The following ARFGEF2 variants were observed in gnomAD, a reference collection of about 807,000 sequenced individuals.
The protein encoded by ARFGEF2 is ARF guanine nucleotide exchange factor 2.
In ARFGEF2, 74 loss-of-function variants were observed where a neutral mutation model predicts 219.9. That is an observed-to-expected ratio of 0.34 (90% CI 0.28 to 0.41). The LOEUF is 0.41. Ranked by LOEUF, ARFGEF2 falls within the 10% of genes least tolerant of loss-of-function variation. The probability of loss-of-function intolerance (pLI) is 1.00; values close to 1 mark genes in which losing one functional copy is unlikely to be tolerated. For missense variants in ARFGEF2, 1,743 were observed against 2,218.3 expected (o/e 0.79, Z 4.30); for synonymous variants, 733 against 799.2 (o/e 0.92, Z 1.40).
intron 25 of ARFGEF2, 32 bp downstream of exon 25, chr20:48,998,537 TAA>T (rs60107724): frequency 0.013 from 17,720 of 1,401,708 alleles, 2 homozygotes; most frequent in Admixed American, 0.028. Flanking sequence ...CCATTCCTGT[TAA>T]AAAAAAAAAA....
rs759701587 is a variant in ARFGEF2, at chr20:48,941,199, A to T, written c.122A>T (p.Asp41Val). Residue 41 changes from aspartate to valine, a missense_variant and splice_region_variant, in exon 2 of 39, where the codon GAT becomes GTT. This residue lies in a region of ARFGEF2 where 394 missense variants were observed against 426.6 expected (regional missense o/e 0.92). Transcript: ENST00000371917. Reference sequence around the variant, plus strand: ...GTGTTTTTTCTTCCTTCCTTACCAGATGAAATTAAAGCAGAAATAGAAAAG... The same window carrying T: ...GTGTTTTTTCTTCCTTCCTTACCAGTTGAAATTAAAGCAGAAATAGAAAAG... The part of the protein sequence containing the change: ...QLRRACQVAL[D>V]EIKAEIEKQR... The T allele has an allele frequency of 5.0e-6, 8 of 1,613,206 alleles. No individual in the cohort carries two copies. In the South Asian group the frequency reaches 7.7e-5, roughly 16 times the overall value.
chr20:48,960,850 G>A (rs2091144595), intron 6 of ARFGEF2, among the ~76,000 whole-genome samples: 1 of 150,834 alleles, frequency 6.6e-6, no homozygotes, highest in South Asian at 2.1e-4. Flanking sequence ...GGGAGGCCGA[G>A]GCAGGCAGAT....
At chr20:48,950,810 AAATAT>A (rs1382009793) in intron 3 of ARFGEF2, among the ~76,000 whole-genome samples, 82 of 41,096 alleles carry the variant, frequency 2.0e-3, no homozygotes, top group African/African-American at 0.011. Flanking sequence ...AAAAAAAAAA[AAATAT>A]ATATATATAT....
chr20:48,961,702 A>G (rs966478524), intron 6 of ARFGEF2, among the ~76,000 whole-genome samples: 8 of 151,992 alleles, frequency 5.3e-5, no homozygotes, highest in Admixed American at 5.2e-4. Flanking sequence ...TGTCTCTACT[A>G]AAAATACAAA....
Position 48,990,625 on chromosome 20 carries a change from C to T in ARFGEF2, c.2815-415C>T, listed in dbSNP as rs375924750. Among the ~76,000 whole-genome samples, 24 of 152,320 alleles carry T rather than the reference C, an allele frequency of 1.6e-4. No individual in the cohort carries two copies. In the East Asian group the frequency reaches 3.7e-3, roughly 23 times the overall value. On this transcript the variant is annotated intron_variant, in intron 20 of 38. Transcript: ENST00000371917. ...AGGTTTCAAGACCCCACTCTGCCAC[C>T]TCTCCAACCATGTGACATTGGCTCA...
At chr20:49,009,779 A>C (rs912322798) in intron 26 of ARFGEF2, among the ~76,000 whole-genome samples, 1 of 152,242 alleles carries the variant, frequency 6.6e-6, no homozygotes, top group Non-Finnish European at 1.5e-5. Flanking sequence ...GAAGATACAC[A>C]CAAGAATTTA....
rs2091431834 is a variant in ARFGEF2, at chr20:49,002,618, T to TATTTA, written c.3433-2451_3433-2447dup. Among the ~76,000 whole-genome samples, 3 of 152,314 alleles carry TATTTA rather than the reference T, an allele frequency of 2.0e-5. 1 individual carries two copies. In the South Asian group the frequency reaches 6.2e-4, roughly 32 times the overall value. On this transcript the variant is annotated intron_variant, in intron 25 of 38. Transcript: ENST00000371917. ...TTCAAGGCTGACTTTATTATTTATTTATTTATTTTTGAGATAGCATTTTGC... is the reference window on the plus strand; with the variant it reads ...TTCAAGGCTGACTTTATTATTTATTTATTTAATTTATTTTTGAGATAGCATTTTGC...
In ARFGEF2 at chr20:48,953,601, C is replaced by T. The variant is rs2091085914; in HGVS notation, c.649C>T (p.Gln217Ter). 6.2e-7 allele frequency: 1 copy of T among 1,614,182 alleles called. No individual in the cohort carries two copies. Among genetic ancestry groups the T allele is most frequent in the Non-Finnish European group, 8.5e-7 (1 of 1,180,030 alleles). Residue 217 changes from glutamine (Q) to a stop codon, truncating the protein, a stop_gained, in exon 6 of 39, where the codon CAG becomes TAG. Coordinates refer to ENST00000371917, the MANE Select transcript of ARFGEF2 (RefSeq NM_006420.3). LOFTEE classifies it high-confidence loss of function. ...ELEKPIQSKPQSPVIQAAAVS... is the reference protein window; with the variant it reads ...ELEKPIQSKP The stretch of plus-strand genomic sequence containing the variant: ...GGAAAAACCAATCCAGTCAAAACCC[C>T]AGTCCCCTGTGATCCAAGCTGCAGC...
chr20:48,994,620 C>G (rs768381302), intron 22 of ARFGEF2, 22 bp downstream of exon 22: 1 of 1,612,628 alleles, frequency 6.2e-7, no homozygotes. Flanking sequence ...GGCCCCACAG[C>G]TAACAGTCAC....
At chr20:49,012,550 T>G (rs1374782820) in intron 28 of ARFGEF2, among the ~76,000 whole-genome samples, 1 of 152,250 alleles carries the variant, frequency 6.6e-6, no homozygotes, top group Non-Finnish European at 1.5e-5. Context: ...AGAGGCCTAT[T>G]TGGTTTAAAT....
At chr20:48,965,722 C>T in intron 7 of ARFGEF2, 150 bp from the exon 8 acceptor site, 1 of 928,522 alleles carries the variant, frequency 1.1e-6, no homozygotes. Flanking sequence ...AAGGCTTTTC[C>T]AGGATTATGT....
chr20:48,999,223 G>T (rs1452051345), intron 25 of ARFGEF2: 1 of 450,698 alleles, frequency 2.2e-6, no homozygotes, highest in South Asian at 1.6e-5. Flanking sequence ...GGGTAACGGA[G>T]CAAGACTTCG....
intron 3 of ARFGEF2, among the ~76,000 whole-genome samples, chr20:48,942,500 T>G (rs1832732639): frequency 1.6e-5 from 2 of 121,408 alleles, no homozygotes; most frequent in East Asian, 2.6e-4. Flanking sequence ...TTTTTTTTTT[T>G]GGAGATGGAG....
In ARFGEF2 at chr20:49,016,401, G is replaced by T; in HGVS notation, c.4301G>T (p.Trp1434Leu). The T allele has an allele frequency of 6.2e-7, 1 of 1,612,932 alleles. No homozygotes were observed. Among genetic ancestry groups the T allele is most frequent in the Non-Finnish European group, 8.5e-7 (1 of 1,179,934 alleles). ...TCTGATGTATTTGCACAATTGCAGT[G>T]GTGTGTCAAACAAGGTACTCTTTAA... is the stretch of plus-strand genomic sequence containing the variant. Reference protein sequence around the residue: ...LLSDVFAQLQWCVKQDNEQLA... With the variant: ...LLSDVFAQLQLCVKQDNEQLA... Residue 1434 changes from tryptophan (W) to leucine (L), a missense_variant, in exon 31 of 39, where the codon TGG becomes TTG. By Grantham distance (61) the Trp-to-Leu change is moderately conservative. This residue lies in a region of ARFGEF2 where 578 missense variants were observed against 664.0 expected (regional missense o/e 0.87). Coordinates refer to ENST00000371917, the MANE Select transcript of ARFGEF2 (RefSeq NM_006420.3).
chr20:49,000,819 A>T (rs2091420700), intron 25 of ARFGEF2, among the ~76,000 whole-genome samples: 1 of 152,006 alleles, frequency 6.6e-6, no homozygotes, highest in Non-Finnish European at 1.5e-5. Context: ...GTTCATTGGG[A>T]CTTCTGTTTT....
chr20:48,994,613 C>T lies in ARFGEF2; in HGVS notation c.3121+15C>T. 6.2e-7 allele frequency: 1 copy of T among 1,613,014 alleles called. No individual in the cohort carries two copies. Among genetic ancestry groups the T allele is most frequent in the Non-Finnish European group, 8.5e-7 (1 of 1,179,952 alleles). On this transcript the variant is annotated intron_variant, in intron 22 of 38. Transcript: ENST00000371917. ...CCTTGGCCTCGGTAAGACACCAGGC[C>T]CCACAGCTAACAGTCACGGATTTGC...
intron 1 of ARFGEF2, among the ~76,000 whole-genome samples, chr20:48,938,334 C>G (rs1006284050): frequency 2.0e-5 from 3 of 152,242 alleles, no homozygotes; most frequent in African/African-American, 7.2e-5. Flanking sequence ...GAAGCACTTT[C>G]TCCTCGGCTC....
intron 25 of ARFGEF2, among the ~76,000 whole-genome samples, chr20:49,002,512 T>C (rs2091431168): frequency 1.3e-5 from 2 of 152,244 alleles, no homozygotes; most frequent in Admixed American, 1.3e-4. Flanking sequence ...TTTGTCCTTT[T>C]GTGACTGCCT....
At chr20:48,998,628 G>T (rs1163478706) in intron 25 of ARFGEF2, 123 bp downstream of exon 25, 2 of 979,724 alleles carry the variant, frequency 2.0e-6, no homozygotes. Context: ...CATTTTCCCT[G>T]TGCAGTCAAG....
Sources: gnomAD v4.1 joint callset for allele counts (sites outside exome capture counted in the v4.1 genomes callset) on GRCh38, gnomAD v4.1.1 for gene constraint, gnomAD v4.1.1 regional missense constraint, MANE v1.5 for transcripts, NCBI Gene and HGNC (gene_info 2026-07-23, HGNC 2026-07-21) for gene names.